Variants in RANBP17 observed in about 807,000 individuals in gnomAD.
The protein encoded by RANBP17 is ran-binding protein 17.
RANBP17 carries 158 observed loss-of-function variants against 141.2 expected under a neutral mutation model. The ratio of observed to expected loss-of-function variants is 1.12; its 90% confidence interval spans 0.98 to 1.28. RANBP17 has a LOEUF of 1.28. RANBP17 is among the 50% of genes most tolerant of loss of function. The probability of loss-of-function intolerance (pLI) is 0.00; values close to 1 mark genes in which losing one functional copy is unlikely to be tolerated. For missense variants in RANBP17, 1,438 were observed against 1,290.7 expected, an observed-to-expected ratio of 1.11 and a Z score of -1.75; for synonymous variants, 430 against 450.0, an observed-to-expected ratio of 0.96 and a Z score of 0.56.
At chr5:171,220,748 C>T (rs1193977191) in intron 21 of RANBP17, among the ~76,000 whole-genome samples, 1 of 152,054 alleles carries the variant, frequency 6.6e-6, no homozygotes, top group Non-Finnish European at 1.5e-5. Context: ...GCGCCTGGTC[C>T]AAATGATTCT....
chr5:171,203,476 C>G (rs892405302), intron 19 of RANBP17, among the ~76,000 whole-genome samples: 5 of 151,982 alleles, frequency 3.3e-5, no homozygotes, highest in Non-Finnish European at 5.9e-5. Flanking sequence ...ATTTCTTATT[C>G]ACATTAACAC....
At chr5:171,209,943 T>TGGAC (rs369927332) in intron 20 of RANBP17, among the ~76,000 whole-genome samples, 1 of 152,062 alleles carries the variant, frequency 6.6e-6, no homozygotes, top group East Asian at 1.9e-4. Context: ...GATGAATAGA[T>TGGAC]GGACGGACGG....
At chr5:171,155,520 T>G (rs1374307559) in intron 14 of RANBP17, among the ~76,000 whole-genome samples, 2 of 152,196 alleles carry the variant, frequency 1.3e-5, no homozygotes, top group African/African-American at 4.8e-5. Context: ...TATACAATTA[T>G]GATTTATGAT....
intron 14 of RANBP17, among the ~76,000 whole-genome samples, chr5:171,015,257 C>T (rs1277455449): frequency 1.3e-5 from 2 of 151,852 alleles, no homozygotes; most frequent in Non-Finnish European, 2.9e-5. Flanking sequence ...TCTGTTCCTC[C>T]CCCTTCACTT....
intron 24 of RANBP17, chr5:171,252,565 C>A (rs1765642219): frequency 7.3e-7 from 1 of 1,368,754 alleles, no homozygotes; most frequent in Non-Finnish European, 1.0e-6. Flanking sequence ...TTAAAAACTG[C>A]CCATGATTCT....
chr5:170,962,745 T>C (rs1342384461), intron 13 of RANBP17, among the ~76,000 whole-genome samples: 1 of 152,210 alleles, frequency 6.6e-6, no homozygotes, highest in Non-Finnish European at 1.5e-5. Flanking sequence ...TTAAATCTAA[T>C]TCCTCAGCAA....
intron 25 of RANBP17, among the ~76,000 whole-genome samples, chr5:171,290,133 C>T (rs765717012): frequency 2.0e-5 from 3 of 151,704 alleles, no homozygotes; most frequent in African/African-American, 7.3e-5. Context: ...CTTTGGGAGG[C>T]GGAGGCAGGT....
chr5:171,277,378 T>C (rs1387609284), intron 25 of RANBP17, among the ~76,000 whole-genome samples: 1 of 151,808 alleles, frequency 6.6e-6, no homozygotes, highest in Non-Finnish European at 1.5e-5. Context: ...CAGAAAATAA[T>C]GATTCAGTAA....
intron 14 of RANBP17, among the ~76,000 whole-genome samples, chr5:171,023,395 A>G (rs1199302360): frequency 6.6e-6 from 1 of 152,206 alleles, no homozygotes; most frequent in African/African-American, 2.4e-5. Context: ...TTAATTGCCT[A>G]TTAAGAAATT....
At chr5:171,236,661 T>C (rs1038503337) in intron 22 of RANBP17, among the ~76,000 whole-genome samples, 27 of 152,142 alleles carry the variant, frequency 1.8e-4, no homozygotes, top group African/African-American at 6.5e-4. Flanking sequence ...CCCCAAGTAC[T>C]GTGTATTGTC....
intron 20 of RANBP17, among the ~76,000 whole-genome samples, chr5:171,208,886 T>C (rs1762721874): frequency 6.6e-6 from 1 of 152,224 alleles, no homozygotes; most frequent in Non-Finnish European, 1.5e-5. Flanking sequence ...GTAAATACTC[T>C]ACAGCTGTTG....
chr5:171,059,371 T>G (rs537646820), intron 14 of RANBP17, among the ~76,000 whole-genome samples: 1 of 152,252 alleles, frequency 6.6e-6, no homozygotes, highest in Non-Finnish European at 1.5e-5. Context: ...CAGTTTCAGC[T>G]TTCTACATAT....
At chr5:171,065,071 A>G (rs1211909525) in intron 14 of RANBP17, among the ~76,000 whole-genome samples, 1 of 152,238 alleles carries the variant, frequency 6.6e-6, no homozygotes, top group Non-Finnish European at 1.5e-5. Context: ...CTTTCCTTAC[A>G]GATGGGTTTT....
At chr5:171,228,859 T>G (rs1448284066) in intron 22 of RANBP17, among the ~76,000 whole-genome samples, 1 of 152,172 alleles carries the variant, frequency 6.6e-6, no homozygotes, top group African/African-American at 2.4e-5. Flanking sequence ...TACATTATTA[T>G]TTTAGAAACA....
intron 14 of RANBP17, among the ~76,000 whole-genome samples, chr5:171,005,832 T>C (rs915218952): frequency 2.8e-4 from 42 of 152,152 alleles, no homozygotes; most frequent in African/African-American, 9.9e-4. Flanking sequence ...GGAAAATTTT[T>C]GCAATCTACT....
intron 14 of RANBP17, among the ~76,000 whole-genome samples, chr5:171,047,365 T>TC (rs1561589510): frequency 6.6e-6 from 1 of 151,904 alleles, no homozygotes; most frequent in East Asian, 1.9e-4. Flanking sequence ...GGTTTTTTTT[T>TC]CCACAAACTT....
At position 171,235,581 on chromosome 5, in the gene RANBP17, A is replaced by T. The variant is rs374323232; in HGVS notation, c.2423-5347A>T. On this transcript the variant is annotated intron_variant, in intron 22 of 27. Transcript: ENST00000523189. ...ATGGTAGGGAATATTAGTATTAGAAAATAGAAATTGATGTACACACACACA... is the reference window on the plus strand; with the variant it reads ...ATGGTAGGGAATATTAGTATTAGAATATAGAAATTGATGTACACACACACA... Among the ~76,000 whole-genome samples, 196 of 152,192 alleles carry T rather than the reference A, an allele frequency of 1.3e-3. 9 individuals are homozygous for T. The South Asian group carries it at 0.039, about 30-fold the overall frequency.
intron 3 of RANBP17, among the ~76,000 whole-genome samples, chr5:170,886,291 A>T (rs1385517553): frequency 6.6e-6 from 1 of 152,194 alleles, no homozygotes; most frequent in Non-Finnish European, 1.5e-5. Context: ...CTTACCGGCA[A>T]GGTACTTAGT....
At chr5:171,196,261 G>T (rs1761972765) in intron 18 of RANBP17, among the ~76,000 whole-genome samples, 3 of 152,156 alleles carry the variant, frequency 2.0e-5, no homozygotes. Flanking sequence ...TAGAATTGCT[G>T]TTCACATTAC....
Sources: gnomAD v4.1 joint callset for allele counts (sites outside exome capture counted in the v4.1 genomes callset) on GRCh38, gnomAD v4.1.1 for gene constraint, MANE v1.5 for transcripts, NCBI Gene and HGNC (gene_info 2026-07-23, HGNC 2026-07-21) for gene names.